The following LOC400499 variants were observed in gnomAD, a reference collection of about 807,000 sequenced individuals.
the LOC400499 span, among the ~76,000 whole-genome samples, chr16:11,414,148 T>A: frequency 6.6e-6 from 1 of 152,148 alleles, no homozygotes; most frequent in Admixed American, 6.5e-5. Flanking sequence ...AGCCCTGTGA[T>A]TGGAAATGCA....
the LOC400499 span, among the ~76,000 whole-genome samples, chr16:11,506,922 C>G: frequency 4.6e-5 from 7 of 152,228 alleles, no homozygotes; most frequent in African/African-American, 1.7e-4. Context: ...CCCTGCAAAG[C>G]CATTTCTAGC....
chr16:11,376,024 C>A, the LOC400499 span, among the ~76,000 whole-genome samples: 1 of 152,190 alleles, frequency 6.6e-6, no homozygotes, highest in South Asian at 2.1e-4. Flanking sequence ...CAGGTGTGAG[C>A]CACCGCGCCG....
the LOC400499 span, among the ~76,000 whole-genome samples, chr16:11,388,122 A>G: frequency 7.9e-5 from 12 of 152,186 alleles, no homozygotes; most frequent in South Asian, 1.0e-3. Context: ...TCACTTGCTT[A>G]CTTCTAGGAA....
the LOC400499 span, chr16:11,514,575 G>C: frequency 2.5e-6 from 1 of 399,800 alleles, no homozygotes; most frequent in African/African-American, 2.1e-5. Context: ...GCTCAGGCCA[G>C]GATCTAGCCA....
At chr16:11,514,673 G>C in the LOC400499 span, 1 of 397,784 alleles carries the variant, frequency 2.5e-6, no homozygotes, top group African/African-American at 2.1e-5. Flanking sequence ...AGCGAGGCTG[G>C]GGAGGAGACC....
At chr16:11,385,495 G>T in the LOC400499 span, 1 of 990,432 alleles carries the variant, frequency 1.0e-6, no homozygotes, top group African/African-American at 1.7e-5. Context: ...CCTGCTGGGT[G>T]CCCCGGATGC....
chr16:11,422,761 C>T, the LOC400499 span, among the ~76,000 whole-genome samples: 4 of 152,198 alleles, frequency 2.6e-5, no homozygotes, highest in African/African-American at 7.2e-5. Flanking sequence ...CATTGTGCTT[C>T]CTGCCTGCAC....
chr16:11,390,125 G>C, the LOC400499 span: 1 of 1,232,344 alleles, frequency 8.1e-7, no homozygotes, highest in African/African-American at 1.5e-5. Flanking sequence ...GGCTGTACAG[G>C]TCCAGCAGTG....
At chr16:11,504,790 G>A in the LOC400499 span, among the ~76,000 whole-genome samples, 1 of 152,200 alleles carries the variant, frequency 6.6e-6, no homozygotes, top group South Asian at 2.1e-4. Flanking sequence ...GGGCATGGTG[G>A]CATGAGCCTG....
the LOC400499 span, chr16:11,399,296 T>G: frequency 1.0e-6 from 1 of 953,462 alleles, no homozygotes; most frequent in Non-Finnish European, 1.2e-6. Context: ...CACATCCCAG[T>G]TAGGAAGGGA....
chr16:11,511,802 G>T, the LOC400499 span, among the ~76,000 whole-genome samples: 2 of 152,024 alleles, frequency 1.3e-5, no homozygotes, highest in African/African-American at 4.8e-5. Context: ...TGCAGTAGGA[G>T]GATCACTTGA....
At chr16:11,514,410 G>A in the LOC400499 span, 1 of 399,148 alleles carries the variant, frequency 2.5e-6, no homozygotes, top group Non-Finnish European at 4.4e-6. Context: ...AGTGAGGAGA[G>A]GGTCCTCATC....
the LOC400499 span, among the ~76,000 whole-genome samples, chr16:11,416,291 A>G: frequency 3.4e-4 from 52 of 152,222 alleles, 1 homozygote; most frequent in African/African-American, 1.2e-3. Context: ...GGACTCCCCT[A>G]GGGGACTGGG....
chr16:11,445,241 T>C, the LOC400499 span, among the ~76,000 whole-genome samples: 3 of 151,972 alleles, frequency 2.0e-5, no homozygotes, highest in East Asian at 5.8e-4. Context: ...GCCAACATGG[T>C]AAAACCCAGT....
the LOC400499 span, among the ~76,000 whole-genome samples, chr16:11,429,267 C>T: frequency 6.6e-6 from 1 of 152,064 alleles, no homozygotes; most frequent in Non-Finnish European, 1.5e-5. Context: ...GTAGCAGCTC[C>T]CCCCTCTTTC....
the LOC400499 span, among the ~76,000 whole-genome samples, chr16:11,467,489 G>A: frequency 2.6e-5 from 4 of 152,040 alleles, no homozygotes; most frequent in African/African-American, 9.6e-5. Context: ...GCACATGCCT[G>A]TAGTCCCAGC....
chr16:11,460,473 C>A, the LOC400499 span: 1 of 1,518,830 alleles, frequency 6.6e-7, no homozygotes, highest in South Asian at 1.2e-5. Flanking sequence ...GCCTGGGAAC[C>A]CACCTTGTGG....
At chr16:11,462,216 G>A in the LOC400499 span, 2 of 1,534,426 alleles carry the variant, frequency 1.3e-6, no homozygotes, top group East Asian at 2.5e-5. Flanking sequence ...AAGACGACGG[G>A]GCTGCCCCCC....
the LOC400499 span, among the ~76,000 whole-genome samples, chr16:11,400,580 G>C: frequency 1.4e-4 from 21 of 152,072 alleles, no homozygotes; most frequent in South Asian, 4.2e-4. Flanking sequence ...AGTTGGGATT[G>C]CAGGCACACA....
Sources: allele counts gnomAD v4.1 joint callset (sites outside exome capture counted in the v4.1 genomes callset), GRCh38; gene constraint gnomAD v4.1.1; transcripts MANE v1.5.